Variants in ALG13 observed in about 807,000 individuals in gnomAD.
ALG13 encodes the protein UDP-N-acetylglucosamine transferase subunit ALG13.
Under a neutral mutation model 87.8 loss-of-function variants are expected in ALG13, and 11 were observed. That is an observed-to-expected ratio of 0.13 (90% CI 0.08 to 0.21). The LOEUF (loss-of-function observed/expected upper bound fraction) is 0.21, where lower values mean the gene tolerates loss of function less well. Ranked by LOEUF, ALG13 falls within the 10% of genes least tolerant of loss-of-function variation. The pLI, the probability that ALG13 is intolerant of heterozygous loss-of-function variation, is 1.00. For missense variants in ALG13, 756 were observed against 866.1 expected (o/e 0.87, Z 1.60); for synonymous variants, 320 against 306.3 (o/e 1.04, Z -0.47).
intron 12 of ALG13, among the ~76,000 whole-genome samples, chrX:111,722,039 A>C (rs1941449983): frequency 8.9e-6 from 1 of 111,907 alleles, no homozygotes; most frequent in Non-Finnish European, 1.9e-5. Context: ...ATAAATGAGT[A>C]GGTTAGGCCT....
chrX:111,744,613 G>C (rs979851730), intron 23 of ALG13, 55 bp from the exon 24 acceptor site: 2 of 1,103,437 alleles, frequency 1.8e-6, no homozygotes, highest in African/African-American at 3.7e-5. Context: ...TGAGCCTACT[G>C]TTCATAAGGT....
At chrX:111,759,624 C>A in intron 26 of ALG13, 110 bp from the exon 27 acceptor site, 1 of 610,230 alleles carries the variant, frequency 1.6e-6, no homozygotes, top group Non-Finnish European at 2.4e-6. Flanking sequence ...TGTGATCTTT[C>A]TTATAGTTAG....
intron 3 of ALG13, among the ~76,000 whole-genome samples, chrX:111,697,689 T>C (rs1937156934): frequency 8.9e-6 from 1 of 112,405 alleles, no homozygotes; most frequent in African/African-American, 3.2e-5. Flanking sequence ...AAATATCCTA[T>C]TGTACTAATC....
Position 111,759,982 on chromosome X carries a change from G to A in ALG13, c.3397G>A (p.Val1133Ile). 8.3e-7 allele frequency: 1 copy of A among 1,210,672 alleles called. No homozygotes were observed. The highest frequency in any genetic ancestry group is 1.1e-6 in the Non-Finnish European group (1 of 895,002). Residue 1133 changes from valine to isoleucine, a missense_variant, in exon 27 of 27, where the codon GTA (valine) becomes ATA (isoleucine). Coordinates refer to ENST00000394780, the MANE Select transcript of ALG13 (RefSeq NM_001099922.3). ...TCCATCTCCCCCAGCTTCTCATTAT[G>A]TACCTCAGGGTATGTAAGATCCAGC... is the stretch of plus-strand genomic sequence containing the variant. Reference protein sequence around the residue: ...IAPSPPASHYVPQGM With the variant: ...IAPSPPASHYIPQGM
intron 3 of ALG13, chrX:111,688,222 A>G: frequency 1.3e-6 from 1 of 782,266 alleles, no homozygotes; most frequent in Non-Finnish European, 1.5e-6. Flanking sequence ...AATCTTCAGT[A>G]TGTAGTGAGC....
At chrX:111,684,101 C>G (rs1934289842) in intron 2 of ALG13, among the ~76,000 whole-genome samples, 1 of 111,674 alleles carries the variant, frequency 9.0e-6, no homozygotes, top group South Asian at 3.7e-4. Context: ...TCTTCGAGTA[C>G]CCATATAACC....
In ALG13 at chrX:111,752,928, A is replaced by G. The variant is rs1175588513; in HGVS notation, c.2973+98A>G. 2.8e-5 allele frequency: 16 copies of G among 575,146 alleles called. No homozygotes were observed. The East Asian group carries it at 4.8e-4, about 17-fold the overall frequency. 47.4% of individuals were successfully genotyped at this position (575,146 alleles called of 1,213,427 possible). ...TGAACTTCGAAAGCCAAAATCACTA[A>G]GGGGACTAAACATTTTAATTCTGTC... On this transcript the variant is annotated intron_variant, in intron 25 of 26. Coordinates refer to ENST00000394780, the MANE Select transcript of ALG13 (RefSeq NM_001099922.3).
Position 111,752,847 on chromosome X carries a change from A to T in ALG13, c.2973+17A>T, listed in dbSNP as rs1569523361. The stretch of plus-strand genomic sequence containing the variant: ...GGATTGCAGGTAAGTGCCATGTTAA[A>T]ATTTCTTTGATAAGCCCTATTTTCA... On this transcript the variant is annotated intron_variant, in intron 25 of 26. Coordinates refer to ENST00000394780, the MANE Select transcript of ALG13 (RefSeq NM_001099922.3). 8.6e-7 allele frequency: 1 copy of T among 1,165,972 alleles called. No individual in the cohort carries two copies. The highest frequency in any genetic ancestry group is 1.2e-6 in the Non-Finnish European group (1 of 859,986).
At position 111,726,913 on chromosome X, in the gene ALG13, C is replaced by T. The variant is rs200516126; in HGVS notation, c.1834C>T (p.Pro612Ser). The T allele has an allele frequency of 1.5e-4, 180 of 1,209,562 alleles. No homozygotes were observed. The highest frequency in any genetic ancestry group is 1.8e-4 in the Non-Finnish European group (157 of 895,042). Residue 612 changes from proline to serine, a missense_variant, in exon 16 of 27, where the codon CCA becomes TCA. By Grantham distance (74) the Pro-to-Ser change is moderately conservative. Transcript: ENST00000394780. ...MAYGKGDPLL[P>S]PRLQHSMHYG... is the part of the protein sequence containing the mutation. ...TTACGGCAAGGGAGACCCCCTCCTCCCACCCAGGCTGCAGCACAGTATGCA... is the reference window on the plus strand; with the variant it reads ...TTACGGCAAGGGAGACCCCCTCCTCTCACCCAGGCTGCAGCACAGTATGCA...
chrX:111,703,473 A>G (rs1439749604), intron 3 of ALG13, among the ~76,000 whole-genome samples: 1 of 111,488 alleles, frequency 9.0e-6, no homozygotes, highest in Non-Finnish European at 1.9e-5. Flanking sequence ...AACCACTACC[A>G]CAGTCGAGAT....
At chrX:111,715,527 G>T (rs931241819) in intron 8 of ALG13, among the ~76,000 whole-genome samples, 2 of 111,144 alleles carry the variant, frequency 1.8e-5, no homozygotes, top group African/African-American at 6.6e-5. Flanking sequence ...AGACCAGCCC[G>T]GCCAATATGG....
At chrX:111,723,656 T>G (rs1941664508) in intron 13 of ALG13, 142 bp from the exon 14 acceptor site, 1 of 415,381 alleles carries the variant, frequency 2.4e-6, no homozygotes, top group Admixed American at 5.2e-5. Context: ...GTATGTGCTG[T>G]CTCCATTGAT....
intron 3 of ALG13, among the ~76,000 whole-genome samples, chrX:111,705,752 A>G (rs1205658527): frequency 9.0e-6 from 1 of 111,328 alleles, no homozygotes; most frequent in Admixed American, 9.5e-5. Context: ...TCAAAAATCA[A>G]TGGACCATAT....
chrX:111,749,144 T>C (rs962246947), intron 24 of ALG13, among the ~76,000 whole-genome samples: 3 of 111,544 alleles, frequency 2.7e-5, no homozygotes, highest in Non-Finnish European at 5.6e-5. Flanking sequence ...TACTCCAAAG[T>C]CGTTATGATT....
chrX:111,681,473 C>T, intron 1 of ALG13, 174 bp downstream of exon 1: 1 of 1,069,124 alleles, frequency 9.4e-7, no homozygotes, highest in Non-Finnish European at 1.2e-6. Flanking sequence ...CGGGGCCCTT[C>T]TCCGGCTACC....
At chrX:111,752,570 C>T (rs998105425) in intron 24 of ALG13, among the ~76,000 whole-genome samples, 1 of 110,062 alleles carries the variant, frequency 9.1e-6, no homozygotes, top group South Asian at 4.0e-4. Context: ...CACCCGCCAC[C>T]ACGTCCGGCT....
intron 25 of ALG13, 75 bp from the exon 26 acceptor site, chrX:111,757,513 T>A: frequency 1.5e-6 from 1 of 667,083 alleles, no homozygotes; most frequent in Non-Finnish European, 2.0e-6. Context: ...TTTTTTTGTC[T>A]GTGGGGAACT....
intron 3 of ALG13, among the ~76,000 whole-genome samples, chrX:111,696,786 G>C (rs1346743301): frequency 9.0e-6 from 1 of 111,209 alleles, no homozygotes; most frequent in African/African-American, 3.3e-5. Context: ...TTACTTTAAT[G>C]TTTTTTCAAC....
intron 21 of ALG13, among the ~76,000 whole-genome samples, chrX:111,731,195 G>A (rs1942649322): frequency 8.9e-6 from 1 of 112,071 alleles, no homozygotes; most frequent in Admixed American, 9.5e-5. Flanking sequence ...GTCCCATTCA[G>A]TGTAATCAAA....
Sources: gnomAD v4.1 joint callset for allele counts (sites outside exome capture counted in the v4.1 genomes callset) on GRCh38, gnomAD v4.1.1 for gene constraint, MANE v1.5 for transcripts, NCBI Gene and HGNC (gene_info 2026-07-23, HGNC 2026-07-21) for gene names.